XRN1: variants seen among roughly 807,000 people sequenced by gnomAD.
The protein encoded by XRN1 is strand-exchange protein 1 homolog.
Under a neutral mutation model 222.3 loss-of-function variants are expected in XRN1, and 67 were observed. The observed-to-expected ratio is 0.30, with a 90% CI of 0.25 to 0.37. The LOEUF (loss-of-function observed/expected upper bound fraction) is 0.37, where lower values mean the gene tolerates loss of function less well. XRN1 is among the 10% of genes least tolerant of loss of function. The pLI, the probability that XRN1 is intolerant of heterozygous loss-of-function variation, is 1.00. For missense variants in XRN1, 1,707 were observed against 2,000.2 expected (o/e 0.85, Z 2.80); for synonymous variants, 643 against 652.4 (o/e 0.99, Z 0.22).
At chr3:142,340,961 C>T (rs2065975624) in intron 33 of XRN1, among the ~76,000 whole-genome samples, 1 of 151,954 alleles carries the variant, frequency 6.6e-6, no homozygotes, top group African/African-American at 2.4e-5. Context: ...CATTAATGAG[C>T]AGTAAGACAT....
In XRN1 at chr3:142,400,419, A is replaced by G. The variant is rs1264063526; in HGVS notation, c.2207+25T>C. On this transcript the variant is annotated intron_variant, in intron 19 of 40. Coordinates refer to ENST00000392981, the MANE Select transcript of XRN1 (RefSeq NM_001282857.2). The stretch of plus-strand genomic sequence containing the variant: ...GTCACAAAGCAAATATATGTTAGAA[A>G]AATTATAAATCAAATCTTACTTACT... 4 of 1,557,470 alleles carry G rather than the reference A, an allele frequency of 2.6e-6. No homozygotes were observed. The East Asian group carries it at 9.0e-5, about 35-fold the overall frequency.
intron 33 of XRN1, among the ~76,000 whole-genome samples, chr3:142,341,698 C>A (rs747669904): frequency 2.0e-5 from 3 of 151,964 alleles, no homozygotes; most frequent in South Asian, 4.2e-4. Flanking sequence ...CCTATAAAGA[C>A]ACATGCAGAC....
chr3:142,328,880 T>A (rs1395196857), intron 37 of XRN1, among the ~76,000 whole-genome samples: 2 of 149,372 alleles, frequency 1.3e-5, no homozygotes, highest in African/African-American at 4.9e-5. Flanking sequence ...CTCAGCCTTG[T>A]GAGCAGCTGG....
chr3:142,370,050 GA>G (rs1163944480), intron 27 of XRN1, among the ~76,000 whole-genome samples: 10,059 of 70,014 alleles, frequency 0.14, 1,049 homozygotes, highest in African/African-American at 0.36. Context: ...CTGTCTCAAA[GA>G]AAAAAAAAAA....
chr3:142,360,664 A>G (rs2066593790), intron 29 of XRN1, among the ~76,000 whole-genome samples: 1 of 152,036 alleles, frequency 6.6e-6, no homozygotes. Flanking sequence ...GGAGATCAAG[A>G]CCATCCTGGC....
chr3:142,397,185 T>G (rs2067962607), intron 20 of XRN1, 144 bp downstream of exon 20: 1 of 753,950 alleles, frequency 1.3e-6, no homozygotes, highest in Admixed American at 4.0e-5. Flanking sequence ...CATTTTAAAC[T>G]AGAACTCATT....
chr3:142,447,725 A>G lies in XRN1; in HGVS notation c.75+145T>C. On this transcript the variant is annotated intron_variant, in intron 1 of 40. Coordinates refer to ENST00000392981, the MANE Select transcript of XRN1 (RefSeq NM_001282857.2). The surrounding 1 kb of genome is among the most constrained non-coding windows in gnomAD (Gnocchi z 4.2). ...CCTTTCGGCTCATCCGGGCGTCCTC[A>G]AACCTTCCGTCCCCCTCCCTAATGC... 2.0e-6 allele frequency: 2 copies of G among 1,003,564 alleles called. No individual in the cohort carries two copies. Among genetic ancestry groups the G allele is most frequent in the Non-Finnish European group, 2.9e-6 (2 of 682,278 alleles). 62.2% of individuals were successfully genotyped at this position (1,003,564 alleles called of 1,614,324 possible). A position where few individuals can be genotyped will look rare whatever the true frequency, so the allele number is the denominator to read the frequency against.
At chr3:142,414,652 T>G (rs2068717085) in intron 13 of XRN1, among the ~76,000 whole-genome samples, 5 of 152,024 alleles carry the variant, frequency 3.3e-5, no homozygotes, top group African/African-American at 1.2e-4. Context: ...CCTGCCACTA[T>G]GCCAGGCTAA....
At chr3:142,320,617 T>C (rs1429676437) in intron 37 of XRN1, among the ~76,000 whole-genome samples, 3 of 152,182 alleles carry the variant, frequency 2.0e-5, no homozygotes, top group Non-Finnish European at 2.9e-5. Context: ...AGATTAGTCA[T>C]AAATCTTTGT....
intron 39 of XRN1, among the ~76,000 whole-genome samples, chr3:142,314,020 C>T (rs1475371114): frequency 6.6e-6 from 1 of 152,180 alleles, no homozygotes; most frequent in Non-Finnish European, 1.5e-5. Flanking sequence ...TTAAAAGATG[C>T]TATGCTAATC....
intron 20 of XRN1, among the ~76,000 whole-genome samples, chr3:142,394,525 G>A (rs186585814): frequency 1.3e-5 from 2 of 152,170 alleles, no homozygotes; most frequent in African/African-American, 2.4e-5. Flanking sequence ...TTTTCCTCCA[G>A]CCATCCTCAA....
intron 15 of XRN1, among the ~76,000 whole-genome samples, chr3:142,405,996 C>T (rs1224161051): frequency 2.0e-5 from 3 of 151,440 alleles, no homozygotes; most frequent in Admixed American, 6.6e-5. Flanking sequence ...ATATACAAAT[C>T]AAGAGACAGA....
intron 18 of XRN1, among the ~76,000 whole-genome samples, chr3:142,401,610 C>T (rs887276030): frequency 9.9e-5 from 15 of 152,036 alleles, no homozygotes; most frequent in East Asian, 7.8e-4. Flanking sequence ...TCCAGCCACT[C>T]GGGAGGCTGA....
At chr3:142,372,445 G>C (rs979672128) in intron 25 of XRN1, among the ~76,000 whole-genome samples, 1 of 152,120 alleles carries the variant, frequency 6.6e-6, no homozygotes, top group Non-Finnish European at 1.5e-5. Context: ...AAGAGGATGG[G>C]CTGTGACCAA....
At position 142,333,062 on chromosome 3, in the gene XRN1, C is replaced by T. The variant is rs777533054; in HGVS notation, c.3967G>A (p.Ala1323Thr). Residue 1323 changes from alanine to threonine, a missense_variant, in exon 35 of 41, where the codon GCA becomes ACA. By Grantham distance (58) the Ala-to-Thr change is moderately conservative. Coordinates refer to ENST00000392981, the MANE Select transcript of XRN1 (RefSeq NM_001282857.2). ...QPNSGIENFL[A>T]SLNISKENEV... The stretch of plus-strand genomic sequence containing the variant: ...TTTTCTTTGGAGATATTCAAAGATG[C>T]TAAAAAGTTCTCAATTCCAGAGTTA... 9 of 1,612,036 alleles carry T rather than the reference C, an allele frequency of 5.6e-6. No individual in the cohort carries two copies. The Admixed American group carries it at 1.2e-4, about 21-fold the overall frequency.
chr3:142,436,195 AAC>A (rs1352884175), intron 1 of XRN1: 3 of 152,214 alleles, frequency 2.0e-5, no homozygotes, highest in South Asian at 2.1e-4. Context: ...TCATTGAAAT[AAC>A]ACATCATTTT....
chr3:142,324,993 T>C (rs564046188), intron 37 of XRN1, among the ~76,000 whole-genome samples: 14 of 152,326 alleles, frequency 9.2e-5, no homozygotes, highest in Non-Finnish European at 1.8e-4. Flanking sequence ...ATTTTGTATC[T>C]TGGCTTTTGT....
intron 20 of XRN1, among the ~76,000 whole-genome samples, chr3:142,396,449 A>G (rs2067935597): frequency 6.6e-6 from 1 of 152,216 alleles, no homozygotes; most frequent in South Asian, 2.1e-4. Flanking sequence ...TTATGGTTTT[A>G]TTTATATGCT....
At chr3:142,413,845 G>A (rs6776170) in intron 14 of XRN1, among the ~76,000 whole-genome samples, 3,942 of 152,188 alleles carry the variant, frequency 0.026, 170 homozygotes, top group African/African-American at 0.09. Context: ...AGATTTTGTC[G>A]GTTTTAGCCT....
Sources: gnomAD v4.1 joint callset for allele counts (sites outside exome capture counted in the v4.1 genomes callset) on GRCh38, gnomAD v4.1.1 for gene constraint, Gnocchi (gnomAD v3.1) non-coding constraint, MANE v1.5 for transcripts, NCBI Gene and HGNC (gene_info 2026-07-23, HGNC 2026-07-21) for gene names.